Variants in GRIA4 observed in about 807,000 individuals in gnomAD.
GRIA4 encodes the protein glutamate ionotropic receptor AMPA type subunit 4, also known as glutamate receptor 4.
In GRIA4, 34 loss-of-function variants were observed where a neutral mutation model predicts 104.0. The ratio of observed to expected loss-of-function variants is 0.33; its 90% confidence interval spans 0.25 to 0.44. The LOEUF is 0.44. GRIA4 is among the 20% of genes least tolerant of loss of function. The pLI, the probability that GRIA4 is intolerant of heterozygous loss-of-function variation, is 1.00. For synonymous variants in GRIA4, 386 were observed against 381.9 expected (o/e 1.01, Z -0.13); for missense variants, 750 against 1,096.5 (o/e 0.68, Z 4.46).
At chr11:105,783,702 G>A (rs1941827647) in intron 4 of GRIA4, among the ~76,000 whole-genome samples, 1 of 151,700 alleles carries the variant, frequency 6.6e-6, no homozygotes, top group Non-Finnish European at 1.5e-5. Context: ...AAAAATGACA[G>A]ACCTTGAAAT....
rs1948515415 is a variant in GRIA4 at position 105,953,662 on chromosome 11, T to TAC, written c.2295-18238_2295-18237dup. Among the ~76,000 whole-genome samples, 9 of 151,072 alleles carry TAC rather than the reference T, an allele frequency of 6.0e-5. No individual in the cohort carries two copies. The East Asian group carries it at 9.7e-4, about 16-fold the overall frequency. On this transcript the variant is annotated intron_variant, in intron 14 of 16. Transcript: ENST00000282499. ...ACACACACACATATATATACATACA[T>TAC]ACACACACACACACATTTGCTGCTA... is the stretch of plus-strand genomic sequence containing the variant.
At chr11:105,928,905 C>A (rs1049076254) in intron 13 of GRIA4, among the ~76,000 whole-genome samples, 4 of 151,970 alleles carry the variant, frequency 2.6e-5, no homozygotes, top group Non-Finnish European at 5.9e-5. Flanking sequence ...AATGGGGAAA[C>A]CTGCTTCCTA....
intron 3 of GRIA4, among the ~76,000 whole-genome samples, chr11:105,715,803 G>A (rs988328739): frequency 6.6e-5 from 10 of 152,048 alleles, no homozygotes; most frequent in African/African-American, 1.4e-4. Context: ...CCTTCATCTC[G>A]TGGCGCTACC....
intron 3 of GRIA4, among the ~76,000 whole-genome samples, chr11:105,742,797 C>A (rs960993070): frequency 6.6e-6 from 1 of 152,028 alleles, no homozygotes; most frequent in African/African-American, 2.4e-5. Context: ...AGTGCAGTGG[C>A]GAGATCTCAG....
At chr11:105,833,453 A>C (rs1944057474) in intron 4 of GRIA4, among the ~76,000 whole-genome samples, 1 of 152,026 alleles carries the variant, frequency 6.6e-6, no homozygotes, top group Non-Finnish European at 1.5e-5. Context: ...ATAGATATAG[A>C]TACAGACAGA....
At chr11:105,776,865 C>T (rs887969454) in intron 4 of GRIA4, among the ~76,000 whole-genome samples, 1 of 152,142 alleles carries the variant, frequency 6.6e-6, no homozygotes, top group Non-Finnish European at 1.5e-5. Context: ...AACAAAAATT[C>T]CTGCTGCCTT....
chr11:105,660,279 G>A (rs1951968207), intron 3 of GRIA4, among the ~76,000 whole-genome samples: 1 of 151,692 alleles, frequency 6.6e-6, no homozygotes, highest in South Asian at 2.1e-4. Flanking sequence ...AGGATAAAGA[G>A]CAGGTGCTAA....
At chr11:105,790,928 T>C (rs1591262827) in intron 4 of GRIA4, among the ~76,000 whole-genome samples, 1 of 152,166 alleles carries the variant, frequency 6.6e-6, no homozygotes, top group African/African-American at 2.4e-5. Context: ...TGGCTGTCCA[T>C]TGCAAAATGC....
At chr11:105,790,490 A>G (rs1272321259) in intron 4 of GRIA4, among the ~76,000 whole-genome samples, 1 of 152,116 alleles carries the variant, frequency 6.6e-6, no homozygotes, top group African/African-American at 2.4e-5. Context: ...CTAAAATGAC[A>G]CACTACCTCC....
In GRIA4 at chr11:105,710,939, G is replaced by T. The variant is rs180801324; in HGVS notation, c.248-42042G>T. Among the ~76,000 whole-genome samples the T allele has an allele frequency of 1.5e-3, 221 of 151,266 alleles. 3 individuals are homozygous for T. The highest frequency in any genetic ancestry group is 9.7e-3 in the South Asian group (46 of 4,742). On this transcript the variant is annotated intron_variant, in intron 3 of 16. Transcript: ENST00000282499. ...TATTAGGAAACAAAAACTAAATAAG[G>T]TAAGCCCTAGCAATAAAATCTCAGA...
chr11:105,687,596 A>C (rs1158044862), intron 3 of GRIA4, among the ~76,000 whole-genome samples: 1 of 152,198 alleles, frequency 6.6e-6, no homozygotes, highest in Non-Finnish European at 1.5e-5. Flanking sequence ...TTGAAGAACT[A>C]AGGTTTCCTC....
chr11:105,685,662 T>C (rs928266651), intron 3 of GRIA4, among the ~76,000 whole-genome samples: 10 of 152,158 alleles, frequency 6.6e-5, no homozygotes, highest in Non-Finnish European at 1.2e-4. Flanking sequence ...GGTGAATTAG[T>C]TTGGATACAG....
intron 3 of GRIA4, among the ~76,000 whole-genome samples, chr11:105,690,694 CATGCTCTCAGAACTTT>C (rs1359945162): frequency 6.6e-6 from 1 of 152,184 alleles, no homozygotes; most frequent in Non-Finnish European, 1.5e-5. Context: ...AAGATATGTG[CATGCTCTCAGAACTTT>C]TTAAGAGAAC....
chr11:105,617,868 C>A lies in GRIA4; in HGVS notation c.247+5434C>A, dbSNP rs78598571. Among the ~76,000 whole-genome samples the A allele has an allele frequency of 3.9e-5, 6 of 151,982 alleles. No individual in the cohort carries two copies. In the East Asian group the frequency reaches 9.6e-4, roughly 24 times the overall value. Reference sequence around the variant, plus strand: ...AAGTCAGTGATTACGGTAATGATTACAGTACAATGTGGTAAAGTGCTATGA... The same window carrying A: ...AAGTCAGTGATTACGGTAATGATTAAAGTACAATGTGGTAAAGTGCTATGA... On this transcript the variant is annotated intron_variant, in intron 3 of 16. Coordinates refer to ENST00000282499, the MANE Select transcript of GRIA4 (RefSeq NM_000829.4).
chr11:105,783,650 C>G (rs1014718866), intron 4 of GRIA4, among the ~76,000 whole-genome samples: 1 of 152,132 alleles, frequency 6.6e-6, no homozygotes, highest in Non-Finnish European at 1.5e-5. Context: ...ATATTTTTCA[C>G]TCACAGACAG....
At chr11:105,695,432 G>C (rs1430354348) in intron 3 of GRIA4, among the ~76,000 whole-genome samples, 1 of 151,664 alleles carries the variant, frequency 6.6e-6, no homozygotes, top group Non-Finnish European at 1.5e-5. Context: ...GAGAGAGAGA[G>C]AGTGTATGCG....
intron 3 of GRIA4, among the ~76,000 whole-genome samples, chr11:105,665,037 T>C (rs1481210819): frequency 1.3e-5 from 2 of 152,012 alleles, no homozygotes; most frequent in East Asian, 1.9e-4. Flanking sequence ...ATGAATTAAT[T>C]TGAGGTAATT....
chr11:105,905,059 A>G, intron 8 of GRIA4, 138 bp from the exon 9 acceptor site: 1 of 594,356 alleles, frequency 1.7e-6, no homozygotes, highest in South Asian at 2.2e-5. Context: ...CAATAGCTCA[A>G]ATACCTAATG....
intron 2 of GRIA4, 22 bp from the exon 3 acceptor site, chr11:105,612,254 C>G (rs760040690): frequency 3.0e-5 from 48 of 1,611,822 alleles, no homozygotes; most frequent in African/African-American, 4.0e-5. Flanking sequence ...AGTGAATGTG[C>G]TTTTCCTGCT....
Sources: gnomAD v4.1 joint callset for allele counts (sites outside exome capture counted in the v4.1 genomes callset) on GRCh38, gnomAD v4.1.1 for gene constraint, MANE v1.5 for transcripts, NCBI Gene and HGNC (gene_info 2026-07-23, HGNC 2026-07-21) for gene names.